PCDH7: variants seen among roughly 807,000 people sequenced by gnomAD.
PCDH7 encodes protocadherin 7, also known as protocadherin-7.
PCDH7 carries 17 observed loss-of-function variants against 58.9 expected under a neutral mutation model. The observed-to-expected ratio is 0.29, with a 90% CI of 0.20 to 0.43. The LOEUF (loss-of-function observed/expected upper bound fraction) is 0.43. Ranked by LOEUF, PCDH7 falls within the 20% of genes least tolerant of loss-of-function variation. The pLI is 1.00. For missense variants in PCDH7, 1,274 were observed against 1,441.0 expected, an observed-to-expected ratio of 0.88 and a Z score of 1.88; for synonymous variants, 664 against 616.4, an observed-to-expected ratio of 1.08 and a Z score of -1.14.
chr4:30,909,632 C>G (rs1165125655), intron 1 of PCDH7, among the ~76,000 whole-genome samples: 1 of 152,042 alleles, frequency 6.6e-6, no homozygotes, highest in Non-Finnish European at 1.5e-5. Flanking sequence ...ATGTGAAGGA[C>G]CTCTTCAAGG....
chr4:30,900,883 C>T (rs1222449312), intron 1 of PCDH7, among the ~76,000 whole-genome samples: 1 of 152,072 alleles, frequency 6.6e-6, no homozygotes, highest in African/African-American at 2.4e-5. Context: ...GGGCTAGCAC[C>T]AGTCTTACAA....
At chr4:30,784,170 A>G (rs1028157411) in intron 1 of PCDH7, among the ~76,000 whole-genome samples, 1 of 152,210 alleles carries the variant, frequency 6.6e-6, no homozygotes, top group Admixed American at 6.5e-5. Flanking sequence ...AATCAAAACC[A>G]ACACATTCTG....
At chr4:31,054,903 T>C (rs1299186470) in intron 3 of PCDH7, among the ~76,000 whole-genome samples, 1 of 152,220 alleles carries the variant, frequency 6.6e-6, no homozygotes, top group Non-Finnish European at 1.5e-5. Context: ...GTTGAGTTTA[T>C]GAAATCTATC....
chr4:30,939,676 A>G (rs904576495), intron 2 of PCDH7, among the ~76,000 whole-genome samples: 1 of 152,114 alleles, frequency 6.6e-6, no homozygotes, highest in Admixed American at 6.6e-5. Context: ...AACTGTCTCT[A>G]TAAAGGAATT....
In PCDH7 at chr4:30,961,179, T is replaced by C. The variant is rs554131874; in HGVS notation, c.*7+10964T>C. On this transcript the variant is annotated intron_variant, in intron 3 of 3. Coordinates refer to the PCDH7 transcript ENST00000509759. ...TTATTATATTCTTAATAATACTTTT[T>C]AAAATTAATGAGTTTCATTAATATT... Among the ~76,000 whole-genome samples the C allele has an allele frequency of 1.2e-3, 181 of 152,236 alleles. 1 individual carries two copies. The highest frequency in any genetic ancestry group is 2.1e-3 in the Non-Finnish European group (141 of 68,008).
At chr4:31,097,318 G>A (rs1029680801) in intron 3 of PCDH7, among the ~76,000 whole-genome samples, 8 of 151,370 alleles carry the variant, frequency 5.3e-5, no homozygotes, top group Non-Finnish European at 8.8e-5. Flanking sequence ...TTAGCCAGGC[G>A]TGGCACACAC....
chr4:30,800,766 C>T (rs1560383497), intron 1 of PCDH7, among the ~76,000 whole-genome samples: 1 of 152,188 alleles, frequency 6.6e-6, no homozygotes, highest in Non-Finnish European at 1.5e-5. Context: ...AGACAAAAGG[C>T]ACATCATCCA....
At chr4:30,883,552 C>A (rs200925918) in intron 1 of PCDH7, among the ~76,000 whole-genome samples, 1 of 152,166 alleles carries the variant, frequency 6.6e-6, no homozygotes, top group Non-Finnish European at 1.5e-5. Context: ...TCCATGGCAA[C>A]CCCAAAGACC....
In PCDH7 at chr4:30,819,647, A is replaced by G. The variant is rs537082060; in HGVS notation, c.70+95051A>G. 5.3e-5 allele frequency among the ~76,000 whole-genome samples: 8 copies of G among 152,300 alleles called. 1 individual carries two copies. Among genetic ancestry groups the G allele is most frequent in the African/African-American group, 1.9e-4 (8 of 41,570 alleles). On this transcript the variant is annotated intron_variant, in intron 1 of 3. Transcript: ENST00000509759. ...TGATAGTCTCTTGAATAACTAAGTT[A>G]AAGTTGGTTATGAAATTATTTGTTT... is the stretch of plus-strand genomic sequence containing the variant.
intron 1 of PCDH7, among the ~76,000 whole-genome samples, chr4:30,857,029 G>C (rs1179593338): frequency 6.6e-6 from 1 of 151,930 alleles, no homozygotes; most frequent in Admixed American, 6.6e-5. Flanking sequence ...GGTTGAAATA[G>C]AGATGTAATT....
intron 3 of PCDH7, among the ~76,000 whole-genome samples, chr4:31,003,481 G>T (rs1474871901): frequency 6.6e-6 from 1 of 151,394 alleles, no homozygotes; most frequent in Non-Finnish European, 1.5e-5. Context: ...AAATGTTTCC[G>T]ATTTGGGATT....
intron 3 of PCDH7, among the ~76,000 whole-genome samples, chr4:31,081,929 A>C (rs1038024813): frequency 2.0e-4 from 30 of 151,866 alleles, no homozygotes; most frequent in African/African-American, 7.3e-4. Flanking sequence ...CACGCCACCA[A>C]GGCCAGCTAA....
At chr4:30,770,849 TA>T (rs947107043) in intron 1 of PCDH7, among the ~76,000 whole-genome samples, 17 of 152,278 alleles carry the variant, frequency 1.1e-4, no homozygotes, top group African/African-American at 3.9e-4. Context: ...ATTTGTCTTT[TA>T]AAAAAACAAC....
At chr4:30,898,686 G>C (rs1739772688) in intron 1 of PCDH7, among the ~76,000 whole-genome samples, 1 of 152,192 alleles carries the variant, frequency 6.6e-6, no homozygotes, top group Admixed American at 6.5e-5. Context: ...CACCTCCCGG[G>C]TTCACACCAG....
At chr4:30,745,203 A>C (rs896822430) in intron 1 of PCDH7, among the ~76,000 whole-genome samples, 4 of 151,742 alleles carry the variant, frequency 2.6e-5, no homozygotes, top group Non-Finnish European at 4.4e-5. Context: ...GTCATAAATT[A>C]TATTTTCCTA....
intron 1 of PCDH7, among the ~76,000 whole-genome samples, chr4:30,728,913 AGT>A: frequency 6.6e-6 from 1 of 151,838 alleles, no homozygotes; most frequent in South Asian, 2.1e-4. Context: ...TAGCTGTATT[AGT>A]CTTTTATTTA....
intron 3 of PCDH7, among the ~76,000 whole-genome samples, chr4:31,108,957 G>A (rs1014437477): frequency 4.6e-5 from 7 of 152,024 alleles, no homozygotes; most frequent in South Asian, 2.1e-4. Context: ...CTGCTTCTGC[G>A]GTCCACTAGG....
intron 1 of PCDH7, among the ~76,000 whole-genome samples, chr4:30,796,987 G>T (rs1301486567): frequency 6.6e-6 from 1 of 150,512 alleles, no homozygotes; most frequent in African/African-American, 2.4e-5. Flanking sequence ...TTTAAATGGA[G>T]TCTGACTCAG....
intron 3 of PCDH7, among the ~76,000 whole-genome samples, chr4:31,000,410 T>C (rs552776007): frequency 1.4e-3 from 217 of 152,266 alleles, no homozygotes; most frequent in Non-Finnish European, 2.7e-3. Context: ...ACAAGGTATA[T>C]CTTAAACACA....
Sources: gnomAD v4.1 joint callset for allele counts (sites outside exome capture counted in the v4.1 genomes callset) on GRCh38, gnomAD v4.1.1 for gene constraint, MANE v1.5 for transcripts, NCBI Gene and HGNC (gene_info 2026-07-23, HGNC 2026-07-21) for gene names.